TBC1D7: variants seen among roughly 807,000 people sequenced by gnomAD.
The protein encoded by TBC1D7 is TBC domain family 7.
In TBC1D7, 33 loss-of-function variants were observed where a neutral mutation model predicts 35.3. That is an observed-to-expected ratio of 0.93 (90% CI 0.71 to 1.25). The LOEUF is 1.25. Ranked by LOEUF, TBC1D7 falls within the 50% of genes most tolerant of loss-of-function variation. TBC1D7 has a pLI of 0.00. For synonymous variants in TBC1D7, 135 were observed against 129.5 expected (o/e 1.04, Z -0.29); for missense variants, 362 against 365.3 (o/e 0.99, Z 0.07).
At chr6:13,317,469 A>G (rs541037439) in intron 4 of TBC1D7, among the ~76,000 whole-genome samples, 9 of 152,332 alleles carry the variant, frequency 5.9e-5, no homozygotes, top group Admixed American at 5.9e-4. Flanking sequence ...GAAGTATCAC[A>G]CTTTCCCTTA....
At chr6:13,309,276 A>G (rs1185849142) in intron 5 of TBC1D7, among the ~76,000 whole-genome samples, 1 of 152,258 alleles carries the variant, frequency 6.6e-6, no homozygotes, top group African/African-American at 2.4e-5. Flanking sequence ...TCCAAAAGTC[A>G]GTACAAATAA....
chr6:13,320,914 A>G lies in TBC1D7; in HGVS notation c.375T>C (p.Phe125=). 1 of 1,614,066 alleles carries G rather than the reference A, an allele frequency of 6.2e-7. No individual in the cohort carries two copies. The highest frequency in any genetic ancestry group is 1.1e-5 in the South Asian group (1 of 91,082). ...GACAAAAGTGACCACTAACCAGTGG[A>G]AAAGAGGGACTTCGAGGTAACTTCC... is the stretch of plus-strand genomic sequence containing the variant. ...ESGKLPRSPS[F]PLEPDDEVFL... is the part of the protein sequence containing the mutation. The change falls in exon 4 of 8, where the codon TTT becomes TTC. Residue 125 remains phenylalanine (F), a synonymous_variant. Transcript: ENST00000379300.
intron 5 of TBC1D7, 146 bp downstream of exon 5, chr6:13,316,425 A>T: frequency 1.2e-6 from 1 of 852,928 alleles, no homozygotes; most frequent in Non-Finnish European, 1.8e-6. Context: ...TTTAGATTAT[A>T]TGGACTTTTA....
At position 13,323,578 on chromosome 6, in the gene TBC1D7, A is replaced by G. The variant is rs1277320061; in HGVS notation, c.193+1516T>C. The G allele has an allele frequency of 2.0e-5, 3 of 152,354 alleles. No individual in the cohort carries two copies. The East Asian group carries it at 5.8e-4, about 29-fold the overall frequency. The allele number at this position is 152,354 out of a possible 1,614,324, so 9.4% of individuals were successfully genotyped here. A position where few individuals can be genotyped will look rare whatever the true frequency, so the allele number is the denominator to read the frequency against. Reference sequence around the variant, plus strand: ...CACGGAGAACAGTAACATTTAAAGAAAAGTGCTCTGGGAAAAACTAAAATA... The same window carrying G: ...CACGGAGAACAGTAACATTTAAAGAGAAGTGCTCTGGGAAAAACTAAAATA... On this transcript the variant is annotated intron_variant, in intron 3 of 7. Transcript: ENST00000379300.
At chr6:13,309,138 A>C (rs1783015904) in intron 5 of TBC1D7, among the ~76,000 whole-genome samples, 2 of 152,258 alleles carry the variant, frequency 1.3e-5, no homozygotes, top group South Asian at 2.1e-4. Flanking sequence ...ATAACACTGC[A>C]GACAACTTCC....
chr6:13,309,377 T>C (rs777838018), intron 5 of TBC1D7, among the ~76,000 whole-genome samples: 3 of 152,210 alleles, frequency 2.0e-5, no homozygotes, highest in Non-Finnish European at 4.4e-5. Flanking sequence ...AGCTACTGTA[T>C]CTGTTTTGTT....
intron 5 of TBC1D7, among the ~76,000 whole-genome samples, chr6:13,310,688 G>A (rs1783146288): frequency 6.7e-6 from 1 of 149,350 alleles, no homozygotes. Context: ...CAGGACAGTA[G>A]TATGAAACTA....
intron 5 of TBC1D7, among the ~76,000 whole-genome samples, chr6:13,315,444 G>A (rs954017573): frequency 6.6e-6 from 1 of 152,128 alleles, no homozygotes; most frequent in African/African-American, 2.4e-5. Flanking sequence ...TGGGTGTGGT[G>A]GCTCATGCCT....
intron 6 of TBC1D7, 133 bp downstream of exon 6, chr6:13,307,467 G>A: frequency 1.2e-6 from 1 of 840,936 alleles, no homozygotes; most frequent in Non-Finnish European, 1.9e-6. Flanking sequence ...TGTTACGGTA[G>A]CTGCTGGAGG....
intron 3 of TBC1D7, chr6:13,323,636 G>A (rs1784201225): frequency 6.6e-6 from 1 of 152,196 alleles, no homozygotes; most frequent in Non-Finnish European, 1.5e-5. Flanking sequence ...GTAACTGCAC[G>A]TTGACCTACC....
chr6:13,327,099 T>C, intron 1 of TBC1D7, 193 bp from the exon 2 acceptor site: 1 of 428,960 alleles, frequency 2.3e-6, no homozygotes, highest in African/African-American at 2.0e-5. Context: ...CCTATGCATC[T>C]TGGCTAAAAA....
At chr6:13,326,073 C>T (rs564460650) in intron 2 of TBC1D7, among the ~76,000 whole-genome samples, 7 of 152,354 alleles carry the variant, frequency 4.6e-5, no homozygotes, top group African/African-American at 1.7e-4. Context: ...TCTTTAACTA[C>T]GGTTCAGTTT....
intron 5 of TBC1D7, among the ~76,000 whole-genome samples, chr6:13,314,038 G>A (rs1447184087): frequency 6.6e-6 from 1 of 152,124 alleles, no homozygotes; most frequent in African/African-American, 2.4e-5. Flanking sequence ...CTAACACGGT[G>A]AAACCCCATC....
At chr6:13,326,217 C>T (rs984954969) in intron 2 of TBC1D7, among the ~76,000 whole-genome samples, 4 of 152,094 alleles carry the variant, frequency 2.6e-5, no homozygotes, top group Admixed American at 1.3e-4. Context: ...AATCCCAGCA[C>T]TTTGGGAGGC....
intron 6 of TBC1D7, 52 bp downstream of exon 6, chr6:13,307,548 G>GA: frequency 6.3e-7 from 1 of 1,594,644 alleles, no homozygotes; most frequent in Non-Finnish European, 8.6e-7. Flanking sequence ...TGAAAGGCCA[G>GA]AACTCTGCTC....
At chr6:13,320,549 A>G (rs1783958128) in intron 4 of TBC1D7, 1 of 571,362 alleles carries the variant, frequency 1.8e-6, no homozygotes, top group East Asian at 2.8e-5. Flanking sequence ...GCTACTTAGC[A>G]CCTACAATTT....
chr6:13,314,910 T>G (rs1375974481), intron 5 of TBC1D7, among the ~76,000 whole-genome samples: 1 of 152,108 alleles, frequency 6.6e-6, no homozygotes. Context: ...AAAAAGAAAG[T>G]GGCAAAGGAA....
chr6:13,319,884 G>C (rs1783905939), intron 4 of TBC1D7: 1 of 152,278 alleles, frequency 6.6e-6, no homozygotes. Context: ...CAATTACAAA[G>C]GGAAAAGTAA....
At chr6:13,315,066 A>G (rs2496155) in intron 5 of TBC1D7, among the ~76,000 whole-genome samples, 78,310 of 151,860 alleles carry the variant, frequency 0.52, 21,732 homozygotes, top group African/African-American at 0.71. Flanking sequence ...GAGATCACAC[A>G]GCTTTTTTTA....
Sources: allele counts gnomAD v4.1 joint callset (sites outside exome capture counted in the v4.1 genomes callset), GRCh38; gene constraint gnomAD v4.1.1; transcripts MANE v1.5; gene names NCBI Gene and HGNC (gene_info 2026-07-23, HGNC 2026-07-21).